The following SH3KBP1 variants were observed in gnomAD, a reference collection of about 807,000 sequenced individuals.
SH3KBP1 encodes SH3 domain-containing kinase-binding protein 1.
A neutral mutation model predicts 50.1 loss-of-function variants in SH3KBP1; 8 were observed. That is an observed-to-expected ratio of 0.16 (90% CI 0.09 to 0.29). SH3KBP1 has a LOEUF of 0.29. Among genes scored for constraint, SH3KBP1 ranks in the 10% least tolerant of loss-of-function variants. The pLI is 1.00. For missense variants in SH3KBP1, 377 were observed against 535.2 expected (o/e 0.70, Z 2.92); for synonymous variants, 227 against 218.6 (o/e 1.04, Z -0.34).
chrX:19,872,265 AAAAAAAAAG>A (rs1327258862), intron 1 of SH3KBP1, among the ~76,000 whole-genome samples: 5 of 103,345 alleles, frequency 4.8e-5, no homozygotes, highest in African/African-American at 1.8e-4. Context: ...AAAAAAAAAA[AAAAAAAAAG>A]AAAGAAAGAA....
chrX:19,564,470 CTCTT>C (rs760562694), intron 13 of SH3KBP1, among the ~76,000 whole-genome samples: 111 of 110,724 alleles, frequency 1.0e-3, no homozygotes, highest in Non-Finnish European at 1.8e-3. Flanking sequence ...AAATCCAATA[CTCTT>C]TCTATTTGAA....
rs190744048 is a variant in SH3KBP1 at position 19,750,501 on chromosome X, A to G, written c.163-4060T>C. Among the ~76,000 whole-genome samples, 310 of 112,452 alleles carry G rather than the reference A, an allele frequency of 2.8e-3. 1 individual carries two copies. Among genetic ancestry groups the G allele is most frequent in the Non-Finnish European group, 5.0e-3 (266 of 53,295 alleles). On this transcript the variant is annotated intron_variant, in intron 2 of 17. Coordinates refer to ENST00000397821, the MANE Select transcript of SH3KBP1 (RefSeq NM_031892.3). ...TACAGAAATCTCCAGTTACTTCCAA[A>G]AGACCACAGGACAAGCTTTCATTCA...
chrX:19,685,120 T>C (rs1342959536), intron 5 of SH3KBP1, among the ~76,000 whole-genome samples: 2 of 112,383 alleles, frequency 1.8e-5, no homozygotes, highest in Non-Finnish European at 3.8e-5. Context: ...TAACTCCTGA[T>C]CATAACCATG....
intron 1 of SH3KBP1, among the ~76,000 whole-genome samples, chrX:19,884,614 C>T (rs2069538290): frequency 8.9e-6 from 1 of 112,414 alleles, no homozygotes; most frequent in African/African-American, 3.2e-5. Flanking sequence ...TTCATTTTAG[C>T]TTTAGTTTAG....
chrX:19,543,537 C>T (rs1251837194), intron 15 of SH3KBP1, among the ~76,000 whole-genome samples: 1 of 111,311 alleles, frequency 9.0e-6, no homozygotes, highest in African/African-American at 3.3e-5. Flanking sequence ...GGCAGATGAC[C>T]ACCTGGATGG....
chrX:19,761,852 A>G (rs2065443167), intron 2 of SH3KBP1, among the ~76,000 whole-genome samples: 1 of 112,815 alleles, frequency 8.9e-6, no homozygotes, highest in Non-Finnish European at 1.9e-5. Flanking sequence ...ATACATAACA[A>G]GAGGACACAA....
At chrX:19,783,388 T>C (rs1254983857) in intron 2 of SH3KBP1, among the ~76,000 whole-genome samples, 1 of 111,899 alleles carries the variant, frequency 8.9e-6, no homozygotes, top group Non-Finnish European at 1.9e-5. Context: ...CACTGAGCAT[T>C]TGTTCGTGCT....
At chrX:19,879,696 C>A (rs1160856702) in intron 1 of SH3KBP1, among the ~76,000 whole-genome samples, 1 of 112,685 alleles carries the variant, frequency 8.9e-6, no homozygotes, top group African/African-American at 3.2e-5. Flanking sequence ...ACTCTCCATT[C>A]AAAGAACAAA....
intron 14 of SH3KBP1, among the ~76,000 whole-genome samples, chrX:19,549,297 T>C (rs2065174573): frequency 8.9e-6 from 1 of 112,422 alleles, no homozygotes; most frequent in Admixed American, 9.5e-5. Flanking sequence ...AGTTAACGGT[T>C]CTTTGCACTG....
At chrX:19,672,444 G>A (rs1212830109) in intron 6 of SH3KBP1, among the ~76,000 whole-genome samples, 1 of 111,763 alleles carries the variant, frequency 8.9e-6, no homozygotes. Context: ...GTCAGCCAAG[G>A]TGACTAAGGT....
chrX:19,844,155 T>C (rs1297669286), intron 1 of SH3KBP1, among the ~76,000 whole-genome samples: 1 of 111,646 alleles, frequency 9.0e-6, no homozygotes, highest in African/African-American at 3.3e-5. Flanking sequence ...TAATGCCAGA[T>C]GCTAGTCTTG....
chrX:19,704,524 A>G (rs905184445), intron 4 of SH3KBP1, among the ~76,000 whole-genome samples: 2 of 112,714 alleles, frequency 1.8e-5, no homozygotes, highest in Non-Finnish European at 3.7e-5. Flanking sequence ...ACAAGCATAT[A>G]GATATATTTT....
intron 5 of SH3KBP1, among the ~76,000 whole-genome samples, chrX:19,688,238 A>G (rs1433677634): frequency 1.8e-5 from 2 of 112,139 alleles, no homozygotes; most frequent in Non-Finnish European, 3.8e-5. Flanking sequence ...TGTCACCCTC[A>G]GTACCTTTAA....
chrX:19,806,130 ATTTAT>A (rs1726408155), intron 2 of SH3KBP1, among the ~76,000 whole-genome samples: 1 of 112,059 alleles, frequency 8.9e-6, no homozygotes, highest in African/African-American at 3.3e-5. Flanking sequence ...AATATGGTTC[ATTTAT>A]TTTATGTCTC....
intron 2 of SH3KBP1, among the ~76,000 whole-genome samples, chrX:19,754,674 G>A (rs2065157335): frequency 1.8e-5 from 2 of 111,134 alleles, no homozygotes; most frequent in Admixed American, 9.6e-5. Flanking sequence ...TCACCATGTT[G>A]ACCAGGCTGG....
At chrX:19,553,682 G>A (rs1003414764) in intron 13 of SH3KBP1, among the ~76,000 whole-genome samples, 19 of 104,537 alleles carry the variant, frequency 1.8e-4, no homozygotes, top group Non-Finnish European at 2.7e-4. Context: ...TTTACTGGTT[G>A]AGGTTTGCAC....
At chrX:19,543,506 G>A (rs965399666) in intron 15 of SH3KBP1, among the ~76,000 whole-genome samples, 22 of 111,366 alleles carry the variant, frequency 2.0e-4, no homozygotes, top group Admixed American at 5.7e-4. Context: ...GGTGGAGCCA[G>A]GGAGACAGAA....
chrX:19,588,325 G>C lies in SH3KBP1; in HGVS notation c.1298+318C>G, dbSNP rs967132008. On this transcript the variant is annotated intron_variant, in intron 12 of 17. Coordinates refer to ENST00000397821, the MANE Select transcript of SH3KBP1 (RefSeq NM_031892.3). ...AGGGACACGCCACCTGCATTTCCAGGCTGAAGGGCAGTTGGCCTTGCTTCT... is the reference window on the plus strand; with the variant it reads ...AGGGACACGCCACCTGCATTTCCAGCCTGAAGGGCAGTTGGCCTTGCTTCT... 7.7e-5 allele frequency: 82 copies of C among 1,063,295 alleles called. 1 individual carries two copies. The East Asian group carries it at 2.7e-3, about 35-fold the overall frequency. 87.6% of individuals were successfully genotyped at this position (1,063,295 alleles called of 1,213,427 possible).
intron 6 of SH3KBP1, among the ~76,000 whole-genome samples, chrX:19,682,333 T>TACAC (rs59044973): frequency 0.093 from 7,065 of 75,777 alleles, 512 homozygotes; most frequent in African/African-American, 0.22. Flanking sequence ...ATAAGAGTCA[T>TACAC]ACACACACAC....
Sources: gnomAD v4.1 joint callset for allele counts (sites outside exome capture counted in the v4.1 genomes callset) on GRCh38, gnomAD v4.1.1 for gene constraint, MANE v1.5 for transcripts, NCBI Gene and HGNC (gene_info 2026-07-23, HGNC 2026-07-21) for gene names.